Variants in BAZ2B observed in about 807,000 individuals in gnomAD.
BAZ2B encodes bromodomain adjacent to zinc finger domain protein 2B.
A neutral mutation model predicts 246.0 loss-of-function variants in BAZ2B; 91 were observed. The observed-to-expected ratio is 0.37, with a 90% CI of 0.31 to 0.44. BAZ2B has a LOEUF of 0.44. BAZ2B is among the 20% of genes least tolerant of loss of function. The pLI is 1.00. For missense variants in BAZ2B, 2,332 were observed against 2,533.7 expected, an observed-to-expected ratio of 0.92 and a Z score of 1.71; for synonymous variants, 855 against 860.0, an observed-to-expected ratio of 0.99 and a Z score of 0.10.
chr2:159,593,444 T>A (rs1689866287), intron 1 of BAZ2B, among the ~76,000 whole-genome samples: 1 of 152,204 alleles, frequency 6.6e-6, no homozygotes, highest in African/African-American at 2.4e-5. Context: ...CCTTTCACTA[T>A]CCTTTTTGTT....
intron 6 of BAZ2B, chr2:159,444,628 A>G (rs978940002): frequency 3.9e-5 from 6 of 152,234 alleles, no homozygotes; most frequent in Non-Finnish European, 7.3e-5. Context: ...AGTTCTTAGG[A>G]TTAAAAATTG....
chr2:159,315,536 A>C (rs185491474), downstream of BAZ2B, among the ~76,000 whole-genome samples: 479 of 152,342 alleles, frequency 3.1e-3, no homozygotes, highest in African/African-American at 0.011. Context: ...TGGCTGCTCC[A>C]TAGGGCTGGG....
At chr2:159,502,416 G>A (rs2081942490) in intron 2 of BAZ2B, among the ~76,000 whole-genome samples, 1 of 150,956 alleles carries the variant, frequency 6.6e-6, no homozygotes, top group Non-Finnish European at 1.5e-5. Context: ...CTTGAGCTCA[G>A]GAATTCAAGA....
rs193237043 is a variant in BAZ2B, at chr2:159,496,723, C to A, written c.-2-18002G>T. Among the ~76,000 whole-genome samples the A allele has an allele frequency of 1.8e-4, 22 of 124,436 alleles. No individual in the cohort carries two copies. In the Admixed American group the frequency reaches 2.1e-3, roughly 12 times the overall value. The allele number at this position is 124,436 out of a possible 152,430, so 81.6% of individuals were successfully genotyped here. On this transcript the variant is annotated intron_variant, in intron 2 of 36. Transcript: ENST00000392783. ...GCTTGAACCTGGGAGGTGGATGTTG[C>A]GGTGAGCCAAGATCGCGCCATTGCA...
At chr2:159,339,932 G>C (rs1214747336) in intron 31 of BAZ2B, among the ~76,000 whole-genome samples, 1 of 152,130 alleles carries the variant, frequency 6.6e-6, no homozygotes, top group Non-Finnish European at 1.5e-5. Context: ...GGTAGGGAGA[G>C]AGTGAGAGTA....
intron 4 of BAZ2B, among the ~76,000 whole-genome samples, chr2:159,449,981 G>A (rs1228089429): frequency 6.6e-6 from 1 of 152,026 alleles, no homozygotes; most frequent in Non-Finnish European, 1.5e-5. Flanking sequence ...GATCAGCCTT[G>A]GGCAACAGAG....
chr2:159,389,313 G>T (rs184172514), intron 21 of BAZ2B, 32 bp downstream of exon 21: 12 of 1,524,244 alleles, frequency 7.9e-6, no homozygotes, highest in Admixed American at 2.2e-5. Context: ...TTAAACTTAT[G>T]AATGAAATGG....
chr2:159,369,881 C>A (rs571413376), intron 27 of BAZ2B, among the ~76,000 whole-genome samples: 9 of 152,184 alleles, frequency 5.9e-5, no homozygotes, highest in African/African-American at 1.9e-4. Flanking sequence ...TGGGTATATA[C>A]CCAGTAATGG....
At position 159,428,244 on chromosome 2, in the gene BAZ2B, CTTTT is replaced by C. The variant is rs1309258542; in HGVS notation, c.2364+63_2364+66del. On this transcript the variant is annotated intron_variant, in intron 12 of 36. Coordinates refer to ENST00000392783, the MANE Select transcript of BAZ2B (RefSeq NM_013450.4). Reference sequence around the variant, plus strand: ...GAACTTTATCTGAGAAAGGAGTACACTTTTTTTTTGTACATGATCATGCTTAATA... The same window carrying C: ...GAACTTTATCTGAGAAAGGAGTACACTTTTTGTACATGATCATGCTTAATA... The C allele has an allele frequency of 4.4e-6, 6 of 1,355,208 alleles. No individual in the cohort carries two copies. The East Asian group carries it at 1.4e-4, about 32-fold the overall frequency. 83.9% of individuals were successfully genotyped at this position (1,355,208 alleles called of 1,614,324 possible). A position where few individuals can be genotyped will look rare whatever the true frequency, so the allele number is the denominator to read the frequency against.
At chr2:159,556,616 A>G in intron 1 of BAZ2B, among the ~76,000 whole-genome samples, 1 of 151,976 alleles carries the variant, frequency 6.6e-6, no homozygotes. Flanking sequence ...GTGCACCACC[A>G]CACCCAGCTA....
the BAZ2B span, among the ~76,000 whole-genome samples, chr2:159,679,185 T>G: frequency 1.6e-3 from 218 of 139,566 alleles, 1 homozygote; most frequent in African/African-American, 5.6e-3. Flanking sequence ...GGCAGGAGAA[T>G]GGCGTGAAGC....
At chr2:159,417,308 T>C (rs2067910291) in intron 13 of BAZ2B, among the ~76,000 whole-genome samples, 1 of 152,010 alleles carries the variant, frequency 6.6e-6, no homozygotes, top group African/African-American at 2.4e-5. Flanking sequence ...GTAGCTGGGA[T>C]TACAGGCGCT....
chr2:159,580,646 C>T (rs961387722), intron 1 of BAZ2B, among the ~76,000 whole-genome samples: 12 of 152,150 alleles, frequency 7.9e-5, no homozygotes, highest in Non-Finnish European at 1.3e-4. Context: ...GGAGGCATCA[C>T]ACTATCTGAC....
the BAZ2B span, among the ~76,000 whole-genome samples, chr2:159,659,714 A>T: frequency 0.46 from 69,487 of 151,890 alleles, 16,747 homozygotes; most frequent in Middle Eastern, 0.64. Flanking sequence ...AAGGCCACAG[A>T]CTCTCACTAT....
chr2:159,447,086 GA>G (rs1439225998), intron 5 of BAZ2B, 111 bp from the exon 6 acceptor site: 2 of 751,578 alleles, frequency 2.7e-6, no homozygotes, highest in African/African-American at 3.6e-5. Flanking sequence ...ATAAGTGAAA[GA>G]AGACAGAAAA....
At chr2:159,351,606 C>A (rs1246966049) in intron 27 of BAZ2B, among the ~76,000 whole-genome samples, 1 of 152,044 alleles carries the variant, frequency 6.6e-6, no homozygotes, top group African/African-American at 2.4e-5. Context: ...GTGCCTACAC[C>A]CTCAATGAAA....
chr2:159,703,959 A>C, the BAZ2B span, among the ~76,000 whole-genome samples: 1 of 152,214 alleles, frequency 6.6e-6, no homozygotes, highest in Non-Finnish European at 1.5e-5. Context: ...CAACATGCTT[A>C]TGTGCCATGC....
chr2:159,476,543 A>G (rs1021225812), intron 3 of BAZ2B, among the ~76,000 whole-genome samples: 2 of 152,216 alleles, frequency 1.3e-5, no homozygotes, highest in Non-Finnish European at 2.9e-5. Context: ...AGTGCCCAAC[A>G]TATGACTCAT....
chr2:159,579,655 C>T (rs1283626159), intron 1 of BAZ2B, among the ~76,000 whole-genome samples: 5 of 152,172 alleles, frequency 3.3e-5, no homozygotes, highest in Non-Finnish European at 7.3e-5. Flanking sequence ...CCCTGATGAA[C>T]ATCGATGCAA....
Sources: gnomAD v4.1 joint callset for allele counts (sites outside exome capture counted in the v4.1 genomes callset) on GRCh38, gnomAD v4.1.1 for gene constraint, MANE v1.5 for transcripts, NCBI Gene and HGNC (gene_info 2026-07-23, HGNC 2026-07-21) for gene names.